The following GRIN3A variants were observed in gnomAD, a reference collection of about 807,000 sequenced individuals.
GRIN3A encodes glutamate receptor ionotropic, NMDA 3A.
Under a neutral mutation model 92.4 loss-of-function variants are expected in GRIN3A, and 47 were observed. That is an observed-to-expected ratio of 0.51 (90% CI 0.40 to 0.65). The LOEUF is 0.65. Ranked by LOEUF, GRIN3A falls within the 30% of genes least tolerant of loss-of-function variation. GRIN3A has a pLI of 0.00. For missense variants in GRIN3A, 1,324 were observed against 1,393.1 expected (o/e 0.95, Z 0.79); for synonymous variants, 527 against 540.6 (o/e 0.97, Z 0.35).
intron 1 of GRIN3A, among the ~76,000 whole-genome samples, chr9:101,689,057 T>A (rs1309498829): frequency 6.6e-6 from 1 of 152,160 alleles, no homozygotes; most frequent in East Asian, 1.9e-4. Flanking sequence ...CATTTTGATT[T>A]GTATAAATTG....
At chr9:101,737,176 TAAC>T in intron 1 of GRIN3A, 102 bp downstream of exon 1, 1 of 898,444 alleles carries the variant, frequency 1.1e-6, no homozygotes, top group Non-Finnish European at 1.8e-6. Flanking sequence ...AGTTATAAAG[TAAC>T]AACTCCCCTC....
At chr9:101,720,527 T>G (rs1347302393) in intron 1 of GRIN3A, among the ~76,000 whole-genome samples, 4 of 152,176 alleles carry the variant, frequency 2.6e-5, no homozygotes, top group Non-Finnish European at 5.9e-5. Context: ...TGATGTTTAG[T>G]GTCTATAGAA....
chr9:101,625,735 A>G (rs984353189), intron 4 of GRIN3A, among the ~76,000 whole-genome samples: 1 of 152,170 alleles, frequency 6.6e-6, no homozygotes. Flanking sequence ...TCTTAATGGA[A>G]TCCTGGCAAT....
chr9:101,686,847 T>G lies in GRIN3A; in HGVS notation c.1053A>C (p.Glu351Asp). The part of the protein sequence containing the change: ...ITTQFGVMPP[E>D]LRWVLGDSQN... ...GGGAATCTCCCAGCACCCAACGAAG[T>G]TCAGGGGGCATGACCCCAAACTGGG... Residue 351 changes from glutamate to aspartate, a missense_variant, in exon 2 of 9, where the codon GAA becomes GAC. Physicochemically the swap from Glu to Asp is conservative, Grantham distance 45. Transcript: ENST00000361820. 1 of 1,614,190 alleles carries G rather than the reference T, an allele frequency of 6.2e-7. No homozygotes were observed. The highest frequency in any genetic ancestry group is 8.5e-7 in the Non-Finnish European group (1 of 1,180,036).
At position 101,623,375 on chromosome 9, in the gene GRIN3A, C is replaced by G. The variant is rs761388316; in HGVS notation, c.2557G>C (p.Val853Leu). The change falls in exon 5 of 9, where the codon GTG (valine) becomes CTG (leucine). Residue 853 changes from valine (V) to leucine (L), a missense_variant. Coordinates refer to ENST00000361820, the MANE Select transcript of GRIN3A (RefSeq NM_133445.3). ...AGTTTGCAGTCAGCATCTATTGACA[C>G]TTCATAATCCAGAAGGGCTTTGTCC... ...IMDKALLDYE[V>L]SIDADCKLLT... 4.3e-6 allele frequency: 7 copies of G among 1,613,860 alleles called. No homozygotes were observed. Among genetic ancestry groups the G allele is most frequent in the Non-Finnish European group, 5.1e-6 (6 of 1,179,872 alleles).
chr9:101,653,474 G>A (rs978843438), intron 3 of GRIN3A, among the ~76,000 whole-genome samples: 1 of 151,786 alleles, frequency 6.6e-6, no homozygotes, highest in African/African-American at 2.4e-5. Flanking sequence ...TGTGTCCATT[G>A]TAAATTGCAC....
At chr9:101,635,106 CCTT>C (rs1161067209) in intron 3 of GRIN3A, among the ~76,000 whole-genome samples, 4 of 152,190 alleles carry the variant, frequency 2.6e-5, no homozygotes, top group East Asian at 1.9e-4. Flanking sequence ...GCTGCCTCTC[CCTT>C]CTTCTTTCTG....
At chr9:101,617,878 A>G (rs1032318558) in intron 5 of GRIN3A, among the ~76,000 whole-genome samples, 2 of 143,232 alleles carry the variant, frequency 1.4e-5, no homozygotes, top group Non-Finnish European at 3.0e-5. Context: ...ATTCCCACCT[A>G]TGAGTGAGAA....
chr9:101,654,414 C>T (rs7031245), intron 3 of GRIN3A, among the ~76,000 whole-genome samples: 71,160 of 150,910 alleles, frequency 0.47, 16,984 homozygotes, highest in Middle Eastern at 0.55. Flanking sequence ...TGTTATATAC[C>T]GTATATAACA....
intron 1 of GRIN3A, among the ~76,000 whole-genome samples, chr9:101,722,980 CAGAATGAT>C (rs1436640401): frequency 6.6e-6 from 1 of 152,138 alleles, no homozygotes. Flanking sequence ...GGAGCTGGGG[CAGAATGAT>C]ACGGTTTGGC....
rs190036305 is a variant in GRIN3A, at chr9:101,595,006, G to A, written c.2767-15646C>T. On this transcript the variant is annotated intron_variant, in intron 6 of 8. Coordinates refer to ENST00000361820, the MANE Select transcript of GRIN3A (RefSeq NM_133445.3). ...GCTCGGGCGGGGCTCGTGCCCGGAC[G>A]GTTGGGCCATGGGGTGGGGGTAGAG... is the stretch of plus-strand genomic sequence containing the variant. The A allele has an allele frequency of 4.0e-5, 61 of 1,507,764 alleles. No individual in the cohort carries two copies. The African/African-American group carries it at 5.0e-4, about 12-fold the overall frequency. 93.4% of individuals were successfully genotyped at this position (1,507,764 alleles called of 1,614,324 possible). A position where few individuals can be genotyped will look rare whatever the true frequency, so the allele number is the denominator to read the frequency against.
chr9:101,582,614 G>T (rs1422898144), intron 6 of GRIN3A, among the ~76,000 whole-genome samples: 1 of 152,164 alleles, frequency 6.6e-6, no homozygotes, highest in East Asian at 1.9e-4. Flanking sequence ...TCTGAAAATA[G>T]TCCTTGACCT....
In GRIN3A at chr9:101,687,019, A is replaced by T; in HGVS notation, c.881T>A (p.Ile294Asn). The change falls in exon 2 of 9, where the codon ATC becomes AAC. Residue 294 changes from isoleucine to asparagine, a missense_variant. By Grantham distance (149) the Ile-to-Asn change is moderately radical. Coordinates refer to ENST00000361820, the MANE Select transcript of GRIN3A (RefSeq NM_133445.3). ...GGGGAGGTTAGCGGTGATGTTGATG[A>T]TAGAACCAAGGTGGAACTTGGAATT... ...QNNSKFHLGS[I>N]INITANLPST... is the part of the protein sequence containing the mutation. 6.2e-7 allele frequency: 1 copy of T among 1,614,142 alleles called. No homozygotes were observed. Among genetic ancestry groups the T allele is most frequent in the Non-Finnish European group, 8.5e-7 (1 of 1,179,982 alleles).
At chr9:101,637,364 C>G (rs62577430) in intron 3 of GRIN3A, among the ~76,000 whole-genome samples, 18,275 of 152,114 alleles carry the variant, frequency 0.12, 1,150 homozygotes, top group East Asian at 0.22. Flanking sequence ...AAGCACTGGA[C>G]ATTTTAACAT....
chr9:101,732,145 G>A (rs1236414712), intron 1 of GRIN3A, among the ~76,000 whole-genome samples: 3 of 152,148 alleles, frequency 2.0e-5, no homozygotes, highest in Non-Finnish European at 4.4e-5. Flanking sequence ...TAGGGCAATG[G>A]GACTCAAAGT....
chr9:101,710,746 C>A (rs1372272863), intron 1 of GRIN3A, among the ~76,000 whole-genome samples: 1 of 152,214 alleles, frequency 6.6e-6, no homozygotes, highest in Non-Finnish European at 1.5e-5. Flanking sequence ...AGTTGACTGG[C>A]AACCAGACAT....
chr9:101,604,652 G>A (rs1203855203), intron 6 of GRIN3A, among the ~76,000 whole-genome samples: 2 of 152,166 alleles, frequency 1.3e-5, no homozygotes, highest in African/African-American at 2.4e-5. Context: ...AAGAGAAGGG[G>A]TAGGAATGAG....
intron 1 of GRIN3A, among the ~76,000 whole-genome samples, chr9:101,710,577 G>T (rs1234305315): frequency 6.6e-6 from 1 of 152,202 alleles, no homozygotes; most frequent in Non-Finnish European, 1.5e-5. Context: ...GTGGATTCAT[G>T]TTGTAACTCA....
At chr9:101,726,585 A>G (rs1432517388) in intron 1 of GRIN3A, among the ~76,000 whole-genome samples, 1 of 152,092 alleles carries the variant, frequency 6.6e-6, no homozygotes, top group Non-Finnish European at 1.5e-5. Context: ...ATCCAATAGA[A>G]CTTCCTATGG....
Sources: allele counts gnomAD v4.1 joint callset (sites outside exome capture counted in the v4.1 genomes callset), GRCh38; gene constraint gnomAD v4.1.1; transcripts MANE v1.5; gene names NCBI Gene and HGNC (gene_info 2026-07-23, HGNC 2026-07-21).